PCDHA8: variants seen among roughly 807,000 people sequenced by gnomAD.
The protein encoded by PCDHA8 is protocadherin alpha-8.
PCDHA8 carries 53 observed loss-of-function variants against 61.8 expected under a neutral mutation model. The observed-to-expected ratio is 0.86, with a 90% confidence interval of 0.69 to 1.08. The LOEUF (loss-of-function observed/expected upper bound fraction) is 1.08. Among genes scored for constraint, PCDHA8 ranks in the 50% least tolerant of loss-of-function variants. PCDHA8 has a pLI of 0.00. For missense variants in PCDHA8, 1,293 were observed against 1,245.0 expected (o/e 1.04, Z -0.58); for synonymous variants, 618 against 556.6 (o/e 1.11, Z -1.55).
intron 1 of PCDHA8, among the ~76,000 whole-genome samples, chr5:140,891,443 T>C (rs1181273099): frequency 6.7e-6 from 1 of 148,474 alleles, no homozygotes; most frequent in Non-Finnish European, 1.5e-5. Flanking sequence ...GTCCATTGTA[T>C]AGGATTTTTG....
Position 140,871,457 on chromosome 5 carries a change from G to A in PCDHA8, c.2394+27742G>A, listed in dbSNP as rs1562665046. 8.1e-6 allele frequency: 13 copies of A among 1,605,570 alleles called. No individual in the cohort carries two copies. The highest frequency in any genetic ancestry group is 1.1e-5 in the Non-Finnish European group (13 of 1,175,480). The stretch of plus-strand genomic sequence containing the variant: ...CTAGGTCTGAATAAAGAGGAGGAAG[G>A]GGAAAGACAGGAGCCAGGGTCAAAT... On this transcript the variant is annotated intron_variant, in intron 1 of 3. Transcript: ENST00000531613.
chr5:140,841,254 A>G lies in PCDHA8; in HGVS notation c.-68A>G. 6.0e-6 allele frequency: 9 copies of G among 1,510,716 alleles called. No individual in the cohort carries two copies. Among genetic ancestry groups the G allele is most frequent in the Non-Finnish European group, 7.1e-6 (8 of 1,126,516 alleles). 93.6% of individuals were successfully genotyped at this position (1,510,716 alleles called of 1,614,324 possible). Reference sequence around the variant, plus strand: ...AGATGCAGCGGAATTGGATTAAAAGACTCTGAAAGTACAGTCGTTCATCTT... The same window carrying G: ...AGATGCAGCGGAATTGGATTAAAAGGCTCTGAAAGTACAGTCGTTCATCTT... On this transcript the variant is annotated 5_prime_UTR_variant, in exon 1 of 4. Transcript: ENST00000531613.
chr5:140,848,035 A>G (rs1554141975), intron 1 of PCDHA8: 1 of 158,990 alleles, frequency 6.3e-6, no homozygotes, highest in African/African-American at 2.4e-5. Flanking sequence ...TGATTGCTCA[A>G]TGGAATCATT....
At chr5:140,938,322 A>G (rs1467948489) in intron 1 of PCDHA8, among the ~76,000 whole-genome samples, 1 of 152,240 alleles carries the variant, frequency 6.6e-6, no homozygotes, top group Admixed American at 6.5e-5. Context: ...ATTGAATAGA[A>G]GTAATGTTAA....
chr5:140,926,703 C>G (rs2083476417), intron 1 of PCDHA8: 2 of 835,304 alleles, frequency 2.4e-6, no homozygotes, highest in Admixed American at 7.4e-5. Context: ...CGGCTCCCAG[C>G]TGGCCAGCCC....
chr5:140,967,293 A>T, intron 1 of PCDHA8: 1 of 1,612,824 alleles, frequency 6.2e-7, no homozygotes. Flanking sequence ...CAGGACCCCG[A>T]CGTGGGCGCC....
intron 1 of PCDHA8, among the ~76,000 whole-genome samples, chr5:140,936,450 T>C (rs1217629620): frequency 6.6e-6 from 1 of 152,234 alleles, no homozygotes; most frequent in Non-Finnish European, 1.5e-5. Context: ...TAACCACATC[T>C]GTTTAGTGGT....
intron 1 of PCDHA8, among the ~76,000 whole-genome samples, chr5:140,935,416 A>G (rs35902736): frequency 0.059 from 8,919 of 152,326 alleles, 374 homozygotes; most frequent in Non-Finnish European, 0.083. Context: ...ATGGACTTAG[A>G]AAACAATTTC....
At chr5:140,866,470 A>T (rs955596608) in intron 1 of PCDHA8, 1 of 152,128 alleles carries the variant, frequency 6.6e-6, no homozygotes, top group Non-Finnish European at 1.5e-5. Flanking sequence ...AGCTCATAAC[A>T]ACTGACAAAT....
At position 140,841,437 on chromosome 5, in the gene PCDHA8, C is replaced by G. The variant is rs2150315470; in HGVS notation, c.116C>G (p.Ala39Gly). The G allele has an allele frequency of 7.8e-4, 1,255 of 1,612,956 alleles. 28 individuals are homozygous for G. The East Asian group carries it at 0.027, about 34-fold the overall frequency. Reference protein sequence around the residue: ...GQLHYSVPEEAKHGTFVGRIA... With the variant: ...GQLHYSVPEEGKHGTFVGRIA... ...CTCCACTACTCCGTCCCCGAGGAGG[C>G]CAAACACGGCACCTTCGTGGGCCGG... The change falls in exon 1 of 4, where the codon GCC becomes GGC. Residue 39 changes from alanine (A) to glycine (G), a missense_variant. Physicochemically the swap from Ala to Gly is moderately conservative, Grantham distance 60 (BLOSUM62 0). Coordinates refer to ENST00000531613, the MANE Select transcript of PCDHA8 (RefSeq NM_018911.3).
intron 1 of PCDHA8, chr5:140,968,051 C>T (rs1353005851): frequency 1.2e-6 from 2 of 1,614,018 alleles, no homozygotes; most frequent in African/African-American, 1.3e-5. Flanking sequence ...CCCACTGGAC[C>T]GAGAGCGGGT....
intron 1 of PCDHA8, among the ~76,000 whole-genome samples, chr5:140,923,065 TCTC>T: frequency 6.6e-6 from 1 of 152,304 alleles, no homozygotes; most frequent in Non-Finnish European, 1.5e-5. Context: ...AAGAGCTAGG[TCTC>T]CTCATGTCAG....
intron 1 of PCDHA8, chr5:140,929,117 T>C (rs1554206704): frequency 1.9e-6 from 3 of 1,614,160 alleles, no homozygotes; most frequent in African/African-American, 2.7e-5. Context: ...TCAGCCACCA[T>C]AGATGTCACT....
At chr5:141,003,982 G>A (rs914206731) in intron 3 of PCDHA8, among the ~76,000 whole-genome samples, 25 of 152,152 alleles carry the variant, frequency 1.6e-4, no homozygotes, top group African/African-American at 5.6e-4. Flanking sequence ...GGGACTTGCC[G>A]GAGATCCTAG....
chr5:140,967,498 T>G, intron 1 of PCDHA8: 2 of 1,613,108 alleles, frequency 1.2e-6, no homozygotes, highest in Non-Finnish European at 1.7e-6. Flanking sequence ...CACAGATCTC[T>G]GTGCGTGTCC....
intron 1 of PCDHA8, chr5:140,856,334 G>A: frequency 1.3e-6 from 2 of 1,598,614 alleles, no homozygotes; most frequent in Non-Finnish European, 1.7e-6. Context: ...GGAGCTGTGC[G>A]GGCGGAGCGT....
In PCDHA8 at chr5:140,852,083, T is replaced by C; in HGVS notation, c.2394+8368T>C. 2 of 899,622 alleles carry C rather than the reference T, an allele frequency of 2.2e-6. 1 individual carries two copies. Among genetic ancestry groups the C allele is most frequent in the Non-Finnish European group, 2.7e-6 (2 of 737,816 alleles). The allele number at this position is 899,622 out of a possible 1,614,324, so 55.7% of individuals were successfully genotyped here. A position where few individuals can be genotyped will look rare whatever the true frequency, so the allele number is the denominator to read the frequency against. On this transcript the variant is annotated intron_variant, in intron 1 of 3. Coordinates refer to ENST00000531613, the MANE Select transcript of PCDHA8 (RefSeq NM_018911.3). The stretch of plus-strand genomic sequence containing the variant: ...TTCTTTCTCTTTCAGCTATTTTATT[T>C]AATATTGTGTCAGATATTTTACAAG...
At chr5:140,911,249 C>T (rs782367621) in intron 1 of PCDHA8, among the ~76,000 whole-genome samples, 4 of 152,152 alleles carry the variant, frequency 2.6e-5, no homozygotes, top group African/African-American at 4.8e-5. Context: ...AAAGTTTCAT[C>T]AGAATTTATA....
intron 1 of PCDHA8, among the ~76,000 whole-genome samples, chr5:140,975,492 A>G (rs2153807380): frequency 6.6e-6 from 1 of 152,332 alleles, no homozygotes; most frequent in South Asian, 2.1e-4. Flanking sequence ...ATCAATGTTC[A>G]TAAAATAGCA....
Sources: gnomAD v4.1 joint callset for allele counts (sites outside exome capture counted in the v4.1 genomes callset) on GRCh38, gnomAD v4.1.1 for gene constraint, MANE v1.5 for transcripts, NCBI Gene and HGNC (gene_info 2026-07-23, HGNC 2026-07-21) for gene names.